The following ANTXR1 variants were observed in gnomAD, a reference collection of about 807,000 sequenced individuals.
ANTXR1 encodes ANTXR cell adhesion molecule 1.
In ANTXR1, 19 loss-of-function variants were observed where a neutral mutation model predicts 78.1. The observed-to-expected ratio is 0.24, with a 90% CI of 0.17 to 0.36. ANTXR1 has a LOEUF of 0.36. Among genes scored for constraint, ANTXR1 ranks in the 10% least tolerant of loss-of-function variants. The probability of loss-of-function intolerance (pLI) is 1.00; values close to 1 mark genes in which losing one functional copy is unlikely to be tolerated. For missense variants in ANTXR1, 518 were observed against 718.6 expected, an observed-to-expected ratio of 0.72 and a Z score of 3.19; for synonymous variants, 273 against 260.5, an observed-to-expected ratio of 1.05 and a Z score of -0.46.
chr2:69,171,203 G>T (rs146687334), intron 14 of ANTXR1, among the ~76,000 whole-genome samples: 1 of 152,218 alleles, frequency 6.6e-6, no homozygotes, highest in African/African-American at 2.4e-5. Context: ...TACAGAAAGA[G>T]TAATGATTAA....
At chr2:69,184,032 C>T (rs1486340612) in intron 16 of ANTXR1, among the ~76,000 whole-genome samples, 2 of 147,746 alleles carry the variant, frequency 1.4e-5, no homozygotes, top group Non-Finnish European at 3.0e-5. Flanking sequence ...ATAGAGCCAG[C>T]TCCCATCACC....
intron 13 of ANTXR1, among the ~76,000 whole-genome samples, chr2:69,168,776 TTGAGTGGG>T (rs1673898774): frequency 6.6e-6 from 1 of 152,120 alleles, no homozygotes; most frequent in Non-Finnish European, 1.5e-5. Flanking sequence ...TGAGCCAGGG[TTGAGTGGG>T]TGAGCACAAT....
intron 12 of ANTXR1, among the ~76,000 whole-genome samples, chr2:69,130,215 G>C (rs1163331925): frequency 1.3e-5 from 2 of 152,166 alleles, no homozygotes; most frequent in East Asian, 3.9e-4. Context: ...TGTACTGGCT[G>C]CTGGGTTGGA....
At chr2:69,232,202 A>G (rs1028662199) in intron 17 of ANTXR1, among the ~76,000 whole-genome samples, 4 of 152,226 alleles carry the variant, frequency 2.6e-5, no homozygotes, top group African/African-American at 9.6e-5. Flanking sequence ...GAAAAAGTAA[A>G]TAAAAGATAT....
chr2:69,212,388 C>G (rs1444184812), intron 17 of ANTXR1, among the ~76,000 whole-genome samples: 1 of 152,140 alleles, frequency 6.6e-6, no homozygotes, highest in African/African-American at 2.4e-5. Context: ...CCATGAGGTT[C>G]TGCGTATATG....
intron 1 of ANTXR1, among the ~76,000 whole-genome samples, chr2:69,026,660 T>C (rs750594935): frequency 1.9e-4 from 29 of 152,294 alleles, no homozygotes; most frequent in Non-Finnish European, 4.3e-4. Flanking sequence ...AATAAGGGCA[T>C]TGGTGACTTT....
chr2:69,211,194 C>G (rs1028946416), intron 17 of ANTXR1, among the ~76,000 whole-genome samples: 2 of 152,180 alleles, frequency 1.3e-5, no homozygotes, highest in African/African-American at 4.8e-5. Context: ...TTTACACATG[C>G]ATGCATATGT....
intron 3 of ANTXR1, 57 bp downstream of exon 3, chr2:69,044,870 G>A: frequency 6.5e-7 from 1 of 1,543,666 alleles, no homozygotes; most frequent in Non-Finnish European, 9.0e-7. Context: ...GAGTAGCCCT[G>A]AGATTTGTGC....
intron 10 of ANTXR1, among the ~76,000 whole-genome samples, chr2:69,109,755 C>CA (rs757532258): frequency 3.5e-4 from 53 of 151,658 alleles, no homozygotes; most frequent in Non-Finnish European, 6.5e-4. Flanking sequence ...TAGAGGGAAA[C>CA]AAAAAAATGT....
chr2:69,131,821 A>G lies in ANTXR1; in HGVS notation c.951+7178A>G, dbSNP rs1023589343. On this transcript the variant is annotated intron_variant, in intron 12 of 17. Coordinates refer to ENST00000303714, the MANE Select transcript of ANTXR1 (RefSeq NM_032208.3). ...AGACTTCAGAAAAGGATGGCCAGCA[A>G]TTCTATCTTCATATCCAAGGAGCTT... Among the ~76,000 whole-genome samples the G allele has an allele frequency of 6.6e-5, 10 of 152,170 alleles. No individual in the cohort carries two copies. In the East Asian group the frequency reaches 7.7e-4, roughly 12 times the overall value.
At chr2:69,233,911 TAGAGA>T (rs1675687347) in intron 17 of ANTXR1, among the ~76,000 whole-genome samples, 1 of 151,940 alleles carries the variant, frequency 6.6e-6, no homozygotes. Flanking sequence ...GATGCTAAAA[TAGAGA>T]AAAGAAACTT....
intron 12 of ANTXR1, among the ~76,000 whole-genome samples, chr2:69,140,840 G>T (rs145204170): frequency 6.6e-6 from 1 of 152,138 alleles, no homozygotes; most frequent in East Asian, 1.9e-4. Context: ...GTTCCACAAA[G>T]GTTTAGGTAC....
intron 16 of ANTXR1, among the ~76,000 whole-genome samples, chr2:69,186,468 TC>T (rs1340305297): frequency 6.6e-6 from 1 of 152,204 alleles, no homozygotes; most frequent in Non-Finnish European, 1.5e-5. Flanking sequence ...TGCTTCCCTT[TC>T]CCGAACTCAC....
At chr2:69,102,151 T>G (rs1671641520) in intron 9 of ANTXR1, among the ~76,000 whole-genome samples, 1 of 152,222 alleles carries the variant, frequency 6.6e-6, no homozygotes, top group Non-Finnish European at 1.5e-5. Context: ...AGAAAGACTT[T>G]GATTCATTCC....
intron 8 of ANTXR1, among the ~76,000 whole-genome samples, chr2:69,089,741 T>C (rs1201798028): frequency 1.3e-5 from 2 of 152,238 alleles, no homozygotes; most frequent in Non-Finnish European, 2.9e-5. Flanking sequence ...TTTATAATCA[T>C]ATCGTCAGTT....
chr2:69,133,060 C>T (rs1672802345), intron 12 of ANTXR1, among the ~76,000 whole-genome samples: 1 of 152,208 alleles, frequency 6.6e-6, no homozygotes, highest in African/African-American at 2.4e-5. Context: ...GTGTCCACTT[C>T]ATGGGCCTGG....
At chr2:69,035,477 C>A (rs75237871) in intron 1 of ANTXR1, among the ~76,000 whole-genome samples, 1 of 152,036 alleles carries the variant, frequency 6.6e-6, no homozygotes, top group East Asian at 1.9e-4. Context: ...GATCGAGATA[C>A]CCCTTTACTC....
chr2:69,242,120 C>T (rs1675910136), intron 17 of ANTXR1, among the ~76,000 whole-genome samples: 1 of 152,098 alleles, frequency 6.6e-6, no homozygotes, highest in African/African-American at 2.4e-5. Context: ...GACCCATGGG[C>T]GTACCCCTAG....
chr2:69,076,359 A>G (rs1242642165), intron 7 of ANTXR1, among the ~76,000 whole-genome samples: 2 of 152,238 alleles, frequency 1.3e-5, no homozygotes, highest in African/African-American at 4.8e-5. Flanking sequence ...AGTATTTTCA[A>G]CACAAAAATA....
Sources: gnomAD v4.1 joint callset for allele counts (sites outside exome capture counted in the v4.1 genomes callset) on GRCh38, gnomAD v4.1.1 for gene constraint, MANE v1.5 for transcripts, NCBI Gene and HGNC (gene_info 2026-07-23, HGNC 2026-07-21) for gene names.